Variants in SPNS2 observed in about 807,000 individuals in gnomAD.
SPNS2 encodes SPNS lysolipid transporter 2, sphingosine-1-phosphate.
SPNS2 carries 37 observed loss-of-function variants against 57.6 expected under a neutral mutation model. The observed-to-expected ratio is 0.64, with a 90% CI of 0.49 to 0.85. The LOEUF is 0.85. Ranked by LOEUF, SPNS2 falls within the 40% of genes least tolerant of loss-of-function variation. The pLI is 0.00. For missense variants in SPNS2, 831 were observed against 779.1 expected, an observed-to-expected ratio of 1.07 and a Z score of -0.79; for synonymous variants, 440 against 346.9, an observed-to-expected ratio of 1.27 and a Z score of -2.98.
At chr17:4,503,175 G>C (rs749736) in intron 1 of SPNS2, among the ~76,000 whole-genome samples, 33,513 of 152,200 alleles carry the variant, frequency 0.22, 4,894 homozygotes, top group East Asian at 0.64. Flanking sequence ...GCGGAGCAGG[G>C]CCACACCAGC....
intron 9 of SPNS2, 147 bp from the exon 10 acceptor site, chr17:4,535,929 G>T: frequency 1.5e-6 from 1 of 647,382 alleles, no homozygotes. Flanking sequence ...TGGGGAGGAG[G>T]GCAGGGCCCA....
Position 4,499,435 on chromosome 17 carries a change from C to A in SPNS2, c.370+18C>A. On this transcript the variant is annotated intron_variant, in intron 1 of 12. Transcript: ENST00000329078. This position sits in a 1 kb window ranked among gnomAD's most constrained non-coding sequence, Gnocchi z 5.2. Reference sequence around the variant, plus strand: ...CGTGGCAGGTGAGCGAGTGCCCCACCCAGCCCGAGGACCAAGACCCCACCC... The same window carrying A: ...CGTGGCAGGTGAGCGAGTGCCCCACACAGCCCGAGGACCAAGACCCCACCC... 2 of 1,305,978 alleles carry A rather than the reference C, an allele frequency of 1.5e-6. No homozygotes were observed. The highest frequency in any genetic ancestry group is 1.5e-5 in the African/African-American group (1 of 64,950). 80.9% of individuals were successfully genotyped at this position (1,305,978 alleles called of 1,614,324 possible).
chr17:4,531,979 C>G (rs1341686073), intron 5 of SPNS2, among the ~76,000 whole-genome samples: 2 of 152,044 alleles, frequency 1.3e-5, no homozygotes, highest in Non-Finnish European at 2.9e-5. Context: ...CGCTTCATAC[C>G]CAAACAGCAC....
rs1015390816 is a variant in SPNS2, at chr17:4,516,387, GC to G, written c.436+3080del. On this transcript the variant is annotated intron_variant, in intron 2 of 12. Coordinates refer to ENST00000329078, the MANE Select transcript of SPNS2 (RefSeq NM_001124758.3). ...GTTTTGCTGTTTTGGGAAATCAGGAGCCCCCATGGCCTACACCTAGAGAAGC... is the reference window on the plus strand; with the variant it reads ...GTTTTGCTGTTTTGGGAAATCAGGAGCCCCATGGCCTACACCTAGAGAAGC... Among the ~76,000 whole-genome samples, 43 of 149,612 alleles carry G rather than the reference GC, an allele frequency of 2.9e-4. 1 individual carries two copies. Among genetic ancestry groups the G allele is most frequent in the Non-Finnish European group, 8.9e-5 (6 of 67,708 alleles).
At chr17:4,533,153 A>G (rs1905577994) in intron 7 of SPNS2, 24 bp downstream of exon 7, 1 of 1,590,118 alleles carries the variant, frequency 6.3e-7, no homozygotes, top group African/African-American at 1.3e-5. Context: ...GGGTGGGCCC[A>G]GGGCTGGTGA....
At chr17:4,533,969 C>T (rs1167278019) in intron 9 of SPNS2, 116 bp downstream of exon 9, 14 of 1,009,178 alleles carry the variant, frequency 1.4e-5, no homozygotes, top group Non-Finnish European at 2.0e-5. Context: ...GGCAGGCCTG[C>T]CAGGAACGTG....
intron 1 of SPNS2, among the ~76,000 whole-genome samples, chr17:4,503,446 C>CG (rs768596425): frequency 2.0e-5 from 3 of 152,226 alleles, no homozygotes; most frequent in Non-Finnish European, 4.4e-5. Flanking sequence ...GTCCCTCAGA[C>CG]GGGGGTCTCA....
At position 4,533,782 on chromosome 17, in the gene SPNS2, C is replaced by T. The variant is rs191180558; in HGVS notation, c.1279-6C>T. On this transcript the variant is annotated splice_polypyrimidine_tract_variant and splice_region_variant and intron_variant, in intron 8 of 12. Coordinates refer to ENST00000329078, the MANE Select transcript of SPNS2 (RefSeq NM_001124758.3). ...GCTGATGGTGGCTTTGCCTTCTCCC[C>T]GGCAGATCTGTATCTTCGTCGGGGA... 1.1e-4 allele frequency: 173 copies of T among 1,613,712 alleles called. No homozygotes were observed. The highest frequency in any genetic ancestry group is 4.7e-4 in the African/African-American group (35 of 75,038).
chr17:4,536,969 G>C (rs771223994), intron 12 of SPNS2, 23 bp downstream of exon 12: 3 of 1,610,560 alleles, frequency 1.9e-6, no homozygotes, highest in African/African-American at 2.7e-5. Flanking sequence ...CGGGAGGCAC[G>C]TGGGGGCTCC....
chr17:4,516,682 A>T (rs1905005474), intron 2 of SPNS2, among the ~76,000 whole-genome samples: 1 of 152,190 alleles, frequency 6.6e-6, no homozygotes, highest in South Asian at 2.1e-4. Context: ...AGTGTGTGAG[A>T]TCGAGTAGAT....
At chr17:4,513,180 C>G in intron 1 of SPNS2, 67 bp from the exon 2 acceptor site, 1 of 1,549,704 alleles carries the variant, frequency 6.5e-7, no homozygotes, top group South Asian at 1.1e-5. Flanking sequence ...GGGAAAGAGG[C>G]TGGGCTGGTC....
chr17:4,537,971 A>C lies in SPNS2; in HGVS notation c.*523A>C, dbSNP rs1434980779. On this transcript the variant is annotated 3_prime_UTR_variant, in exon 13 of 13. Coordinates refer to ENST00000329078, the MANE Select transcript of SPNS2 (RefSeq NM_001124758.3). Reference sequence around the variant, plus strand: ...CGCGAGGGCCTGGTATGCAGGGACCACTGCTCAGCTGGGCCTCGGACCTTG... The same window carrying C: ...CGCGAGGGCCTGGTATGCAGGGACCCCTGCTCAGCTGGGCCTCGGACCTTG... 2 of 360,392 alleles carry C rather than the reference A, an allele frequency of 5.5e-6. No individual in the cohort carries two copies. Among genetic ancestry groups the C allele is most frequent in the Non-Finnish European group, 1.1e-5 (2 of 179,682 alleles). 22.3% of individuals were successfully genotyped at this position (360,392 alleles called of 1,614,324 possible).
intron 5 of SPNS2, among the ~76,000 whole-genome samples, chr17:4,531,567 A>G (rs1213103919): frequency 1.3e-5 from 2 of 152,074 alleles, no homozygotes; most frequent in East Asian, 1.9e-4. Context: ...CCAAGGCCCC[A>G]GGACAGCGCA....
At chr17:4,505,107 C>T (rs908596657) in intron 1 of SPNS2, among the ~76,000 whole-genome samples, 2 of 152,172 alleles carry the variant, frequency 1.3e-5, no homozygotes, top group Non-Finnish European at 2.9e-5. Flanking sequence ...GCCTAACTCC[C>T]GGTTTTGAAC....
chr17:4,517,287 C>T (rs1196489835), intron 2 of SPNS2, among the ~76,000 whole-genome samples: 2 of 152,090 alleles, frequency 1.3e-5, no homozygotes, highest in African/African-American at 2.4e-5. Flanking sequence ...CCAAACCATT[C>T]CTTAGGGAAT....
intron 1 of SPNS2, among the ~76,000 whole-genome samples, chr17:4,501,192 C>T (rs1904496390): frequency 6.6e-6 from 1 of 152,180 alleles, no homozygotes; most frequent in South Asian, 2.1e-4. Context: ...GAGGTCTTCC[C>T]ACCCTTTCTC....
At chr17:4,509,158 G>A (rs1254862642) in intron 1 of SPNS2, among the ~76,000 whole-genome samples, 2 of 152,232 alleles carry the variant, frequency 1.3e-5, no homozygotes, top group Non-Finnish European at 2.9e-5. Flanking sequence ...GTGGTGAGCT[G>A]AGGAATCAGT....
In SPNS2 at chr17:4,538,250, C is replaced by T. The variant is rs911438644; in HGVS notation, c.*802C>T. 27 of 200,422 alleles carry T rather than the reference C, an allele frequency of 1.3e-4. No homozygotes were observed. Among genetic ancestry groups the T allele is most frequent in the Non-Finnish European group, 4.1e-5 (4 of 97,020 alleles). 12.4% of individuals were successfully genotyped at this position (200,422 alleles called of 1,614,324 possible). ...GGGCTTCTCTCCCTGCCACCACCCC[C>T]CAAGCCAGGACCCCACTCCTTCCCC... On this transcript the variant is annotated 3_prime_UTR_variant, in exon 13 of 13. Coordinates refer to ENST00000329078, the MANE Select transcript of SPNS2 (RefSeq NM_001124758.3).
chr17:4,524,413 G>A (rs1301763372), intron 2 of SPNS2, among the ~76,000 whole-genome samples: 4 of 152,154 alleles, frequency 2.6e-5, no homozygotes, highest in Admixed American at 6.5e-5. Flanking sequence ...GGCTGGGCGC[G>A]GTGGCTCACA....
Sources: allele counts gnomAD v4.1 joint callset (sites outside exome capture counted in the v4.1 genomes callset), GRCh38; gene constraint gnomAD v4.1.1; non-coding constraint Gnocchi (gnomAD v3.1); transcripts MANE v1.5; gene names NCBI Gene and HGNC (gene_info 2026-07-23, HGNC 2026-07-21).